NTS: variants seen among roughly 807,000 people sequenced by gnomAD.
NTS encodes neurotensin.
In NTS, 20 loss-of-function variants were observed where a neutral mutation model predicts 19.5. The ratio of observed to expected loss-of-function variants is 1.02; its 90% CI spans 0.72 to 1.49. NTS has a LOEUF of 1.49. Ranked by LOEUF, NTS falls within the 40% of genes most tolerant of loss-of-function variation. NTS has a pLI of 0.00. For missense variants in NTS, 215 were observed against 193.1 expected, an observed-to-expected ratio of 1.11 and a Z score of -0.67; for synonymous variants, 71 against 63.3, an observed-to-expected ratio of 1.12 and a Z score of -0.58.
intron 1 of NTS, among the ~76,000 whole-genome samples, chr12:85,875,190 G>A (rs1166342417): frequency 6.6e-6 from 1 of 152,000 alleles, no homozygotes; most frequent in Non-Finnish European, 1.5e-5. Flanking sequence ...TTTTGCATGT[G>A]GTTTGAAAGA....
intron 1 of NTS, among the ~76,000 whole-genome samples, chr12:85,875,495 T>C (rs1881321116): frequency 2.0e-5 from 3 of 152,074 alleles, no homozygotes; most frequent in East Asian, 3.8e-4. Flanking sequence ...ATAAATGTGA[T>C]TTATACAAAA....
intron 1 of NTS, among the ~76,000 whole-genome samples, chr12:85,876,258 A>AC (rs1483160791): frequency 1.3e-5 from 2 of 151,834 alleles, no homozygotes; most frequent in East Asian, 3.9e-4. Context: ...TGTGTTTTTA[A>AC]ATGTTAATAT....
In NTS at chr12:85,882,374, GA is replaced by G. The variant is rs1881520948; in HGVS notation, c.513del (p.Ter171TrpfsTer18). On this transcript the variant is annotated frameshift_variant and stop_lost, in exon 4 of 4. Transcript: ENST00000256010. LOFTEE classifies it high-confidence loss of function. ...YILKRDSYYY* is the reference protein window; with the variant it reads ...YILKRDSYYYX ...CTCAAAAGAGATTCTTACTATTACT[GA>G]GAGAATAAATCATTTATTTACATGT... 3 of 1,549,014 alleles carry G rather than the reference GA, an allele frequency of 1.9e-6. No homozygotes were observed. The highest frequency in any genetic ancestry group is 1.7e-6 in the Non-Finnish European group (2 of 1,152,656).
At position 85,876,712 on chromosome 12, in the gene NTS, C is replaced by A; in HGVS notation, c.135+11C>A. 2 of 1,502,814 alleles carry A rather than the reference C, an allele frequency of 1.3e-6. No homozygotes were observed. Among genetic ancestry groups the A allele is most frequent in the South Asian group, 1.2e-5 (1 of 80,434 alleles). The allele number at this position is 1,502,814 out of a possible 1,614,324, so 93.1% of individuals were successfully genotyped here. A position where few individuals can be genotyped will look rare whatever the true frequency, so the allele number is the denominator to read the frequency against. On this transcript the variant is annotated intron_variant, in intron 2 of 3. Transcript: ENST00000256010. Reference sequence around the variant, plus strand: ...ATGCATACATCAAAGGTAACTTTTTCTTTTCTTTAACCCTGAGTTGAAGAA... The same window carrying A: ...ATGCATACATCAAAGGTAACTTTTTATTTTCTTTAACCCTGAGTTGAAGAA...
At chr12:85,879,138 T>C (rs953821197) in intron 3 of NTS, among the ~76,000 whole-genome samples, 14 of 143,894 alleles carry the variant, frequency 9.7e-5, no homozygotes, top group Admixed American at 2.2e-4. Flanking sequence ...GTATATTTTA[T>C]GTACGTAAAA....
At chr12:85,880,931 G>A (rs1881488223) in intron 3 of NTS, among the ~76,000 whole-genome samples, 1 of 152,064 alleles carries the variant, frequency 6.6e-6, no homozygotes, top group Non-Finnish European at 1.5e-5. Flanking sequence ...CAGCCTGGGC[G>A]ACAGAGCGAG....
intron 1 of NTS, among the ~76,000 whole-genome samples, chr12:85,874,873 T>C (rs1306918341): frequency 6.6e-6 from 1 of 152,224 alleles, no homozygotes; most frequent in Non-Finnish European, 1.5e-5. Flanking sequence ...TCCTCATTCA[T>C]TCTCTTAGGA....
intron 1 of NTS, among the ~76,000 whole-genome samples, chr12:85,875,034 C>A (rs1881308496): frequency 6.6e-6 from 1 of 152,060 alleles, no homozygotes; most frequent in South Asian, 2.1e-4. Flanking sequence ...ATTCCAGATC[C>A]TTTTTGAGAA....
Position 85,882,456 on chromosome 12 carries a change from GACAA to G in NTS, c.*85_*88del, listed in dbSNP as rs566970163. 224 of 1,115,604 alleles carry G rather than the reference GACAA, an allele frequency of 2.0e-4. 2 individuals are homozygous for G. The East Asian group carries it at 4.5e-3, about 22-fold the overall frequency. 69.1% of individuals were successfully genotyped at this position (1,115,604 alleles called of 1,614,324 possible). ...TCAAATTATATTTGTGTGAAAATGT[GACAA>G]ACACACTTATCTGTCTCTTCTACAA... On this transcript the variant is annotated 3_prime_UTR_variant, in exon 4 of 4. Coordinates refer to ENST00000256010, the MANE Select transcript of NTS (RefSeq NM_006183.5).
intron 1 of NTS, 121 bp from the exon 2 acceptor site, chr12:85,876,519 G>T (rs1881347819): frequency 2.1e-6 from 1 of 484,336 alleles, no homozygotes. Flanking sequence ...CTATTTTTAA[G>T]AAAATACATA....
rs1042485341 is a variant in NTS at position 85,879,939 on chromosome 12, T to C, written c.360+1370T>C. On this transcript the variant is annotated intron_variant, in intron 3 of 3. Coordinates refer to ENST00000256010, the MANE Select transcript of NTS (RefSeq NM_006183.5). ...AATATAGAATAAGGATATATTAGGT[T>C]AGTGCAAAAGTAATTGCAGTTTTTA... is the stretch of plus-strand genomic sequence containing the variant. Among the ~76,000 whole-genome samples, 6 of 148,446 alleles carry C rather than the reference T, an allele frequency of 4.0e-5. No individual in the cohort carries two copies. In the East Asian group the frequency reaches 1.2e-3, roughly 29 times the overall value.
chr12:85,881,351 T>G (rs762635365), intron 3 of NTS, among the ~76,000 whole-genome samples: 2 of 152,134 alleles, frequency 1.3e-5, no homozygotes, highest in Non-Finnish European at 2.9e-5. Context: ...CCCCTCAAAT[T>G]AGAAGACAAC....
At chr12:85,875,224 C>G (rs140237885) in intron 1 of NTS, among the ~76,000 whole-genome samples, 5 of 151,894 alleles carry the variant, frequency 3.3e-5, no homozygotes, top group Non-Finnish European at 1.5e-5. Flanking sequence ...TAAGTATCTA[C>G]GAATAACTCA....
chr12:85,879,277 A>ACG (rs1205562253), intron 3 of NTS, among the ~76,000 whole-genome samples: 621 of 8,290 alleles, frequency 0.075, 310 homozygotes, highest in Middle Eastern at 0.5. Flanking sequence ...TATTTTATGT[A>ACG]TATACCATAT....
chr12:85,880,108 G>T (rs903919980), intron 3 of NTS, among the ~76,000 whole-genome samples: 2 of 150,920 alleles, frequency 1.3e-5, no homozygotes, highest in African/African-American at 4.8e-5. Flanking sequence ...GGTATATATA[G>T]TAAGGATATA....
At position 85,878,230 on chromosome 12, in the gene NTS, T is replaced by C. The variant is rs977257473; in HGVS notation, c.136-115T>C. ...GTTACTAAATAAATAACACTATATTTATTAGACTGGAGTAGCAATTAGACC... is the reference window on the plus strand; with the variant it reads ...GTTACTAAATAAATAACACTATATTCATTAGACTGGAGTAGCAATTAGACC... On this transcript the variant is annotated intron_variant, in intron 2 of 3. Transcript: ENST00000256010. 3 of 701,588 alleles carry C rather than the reference T, an allele frequency of 4.3e-6. No homozygotes were observed. The African/African-American group carries it at 5.3e-5, about 12-fold the overall frequency. 43.5% of individuals were successfully genotyped at this position (701,588 alleles called of 1,614,324 possible).
chr12:85,874,514 T>A, intron 1 of NTS, 38 bp downstream of exon 1: 3 of 1,429,430 alleles, frequency 2.1e-6, no homozygotes, highest in Non-Finnish European at 3.0e-6. Flanking sequence ...CTGAAGTGAT[T>A]TCTTTTTTCT....
rs766380161 is a variant in NTS at position 85,882,203 on chromosome 12, A to G, written c.361-20A>G. Reference sequence around the variant, plus strand: ...GAGTTTATTCATGTAAGTTTCACTTATTTTATCTCTATCTTGCAGTTAATC... The same window carrying G: ...GAGTTTATTCATGTAAGTTTCACTTGTTTTATCTCTATCTTGCAGTTAATC... On this transcript the variant is annotated intron_variant, in intron 3 of 3. Coordinates refer to ENST00000256010, the MANE Select transcript of NTS (RefSeq NM_006183.5). 6.4e-7 allele frequency: 1 copy of G among 1,555,746 alleles called. No individual in the cohort carries two copies. Among genetic ancestry groups the G allele is most frequent in the Non-Finnish European group, 8.7e-7 (1 of 1,146,206 alleles).
At chr12:85,879,056 T>TA (rs1452814790) in intron 3 of NTS, among the ~76,000 whole-genome samples, 2 of 136,172 alleles carry the variant, frequency 1.5e-5, no homozygotes, top group East Asian at 2.2e-4. Flanking sequence ...ATAAAATATA[T>TA]TTTTATGTAT....
Sources: gnomAD v4.1 joint callset for allele counts (sites outside exome capture counted in the v4.1 genomes callset) on GRCh38, gnomAD v4.1.1 for gene constraint, MANE v1.5 for transcripts, NCBI Gene and HGNC (gene_info 2026-07-23, HGNC 2026-07-21) for gene names.